AGBL4: variants seen among roughly 807,000 people sequenced by gnomAD.
AGBL4 encodes cytosolic carboxypeptidase 6.
A neutral mutation model predicts 66.4 loss-of-function variants in AGBL4; 58 were observed. That is an observed-to-expected ratio of 0.87 (90% CI 0.71 to 1.09). The LOEUF (loss-of-function observed/expected upper bound fraction) is 1.09. AGBL4 is among the 50% of genes least tolerant of loss of function. The probability of loss-of-function intolerance (pLI) is 0.00; values close to 1 mark genes in which losing one functional copy is unlikely to be tolerated. For missense variants in AGBL4, 579 were observed against 631.0 expected (o/e 0.92, Z 0.88); for synonymous variants, 234 against 222.9 (o/e 1.05, Z -0.44).
At chr1:49,028,449 T>A (rs188357505) in intron 5 of AGBL4, among the ~76,000 whole-genome samples, 3 of 152,050 alleles carry the variant, frequency 2.0e-5, no homozygotes, top group Admixed American at 1.3e-4. Context: ...TAATGAAAAA[T>A]AATTATACAT....
intron 3 of AGBL4, among the ~76,000 whole-genome samples, chr1:49,257,201 C>T (rs1462004150): frequency 6.6e-6 from 1 of 152,166 alleles, no homozygotes; most frequent in Non-Finnish European, 1.5e-5. Context: ...CTCTTCAAAG[C>T]TGTCAGACAG....
chr1:49,369,684 G>A (rs1644303433), intron 3 of AGBL4, among the ~76,000 whole-genome samples: 1 of 152,110 alleles, frequency 6.6e-6, no homozygotes. Flanking sequence ...ATACTGCTCA[G>A]TGTATGGGTA....
chr1:49,161,126 G>A (rs1383781817), intron 4 of AGBL4, among the ~76,000 whole-genome samples: 1 of 152,126 alleles, frequency 6.6e-6, no homozygotes, highest in Non-Finnish European at 1.5e-5. Context: ...TAGCTAGTTT[G>A]ATGTTTGCCT....
chr1:48,655,463 G>A (rs564293383), intron 7 of AGBL4, among the ~76,000 whole-genome samples: 2 of 152,314 alleles, frequency 1.3e-5, no homozygotes, highest in Admixed American at 1.3e-4. Context: ...GGAGCAGAAA[G>A]TCTCAGGACC....
chr1:49,805,878 G>A (rs1461788787), intron 2 of AGBL4, among the ~76,000 whole-genome samples: 1 of 152,146 alleles, frequency 6.6e-6, no homozygotes, highest in Non-Finnish European at 1.5e-5. Context: ...TCCTTGATCT[G>A]GGTCTCCCCA....
chr1:49,549,421 T>C (rs888491333), intron 3 of AGBL4, among the ~76,000 whole-genome samples: 2 of 152,294 alleles, frequency 1.3e-5, no homozygotes, highest in Non-Finnish European at 2.9e-5. Context: ...CGTTGAGGGC[T>C]GTGGACTTTT....
intron 3 of AGBL4, among the ~76,000 whole-genome samples, chr1:49,482,938 A>T (rs1381826894): frequency 6.6e-6 from 1 of 152,048 alleles, no homozygotes; most frequent in African/African-American, 2.4e-5. Flanking sequence ...GTTTTGAGTG[A>T]ATTTCTTAGT....
chr1:48,657,435 G>A (rs910030047), intron 7 of AGBL4, among the ~76,000 whole-genome samples: 4 of 152,216 alleles, frequency 2.6e-5, no homozygotes, highest in Non-Finnish European at 5.9e-5. Flanking sequence ...GCTTTGGAGA[G>A]CTCCATCCGG....
chr1:49,092,358 T>C (rs1645017897), intron 4 of AGBL4, among the ~76,000 whole-genome samples: 2 of 152,144 alleles, frequency 1.3e-5, no homozygotes, highest in South Asian at 2.1e-4. Flanking sequence ...CAGAAAATGT[T>C]TGCTGAGCTA....
intron 3 of AGBL4, among the ~76,000 whole-genome samples, chr1:49,663,614 T>C (rs1646309937): frequency 6.6e-6 from 1 of 152,118 alleles, no homozygotes. Flanking sequence ...TGAGTCACTT[T>C]GTAACAACAA....
intron 5 of AGBL4, among the ~76,000 whole-genome samples, chr1:48,927,124 A>C (rs1654645169): frequency 6.6e-6 from 1 of 152,194 alleles, no homozygotes; most frequent in Admixed American, 6.5e-5. Flanking sequence ...GCTTACAGAC[A>C]GCAGCCACAA....
intron 3 of AGBL4, among the ~76,000 whole-genome samples, chr1:49,648,175 A>G (rs1645929171): frequency 6.6e-6 from 1 of 152,168 alleles, no homozygotes; most frequent in Non-Finnish European, 1.5e-5. Flanking sequence ...TTAAGAAAGA[A>G]CAACAAAGAA....
intron 2 of AGBL4, among the ~76,000 whole-genome samples, chr1:49,785,945 T>C (rs762125358): frequency 2.7e-5 from 4 of 150,644 alleles, no homozygotes; most frequent in Non-Finnish European, 5.9e-5. Context: ...ACCTACGTTA[T>C]GGGAAAAGGT....
intron 6 of AGBL4, among the ~76,000 whole-genome samples, chr1:48,686,523 ATG>A (rs1279677183): frequency 6.6e-6 from 1 of 152,248 alleles, no homozygotes; most frequent in Admixed American, 6.5e-5. Context: ...TTCAATGAGA[ATG>A]TGTTGAACGA....
chr1:48,590,230 C>A (rs991443559), intron 10 of AGBL4, among the ~76,000 whole-genome samples: 4 of 151,974 alleles, frequency 2.6e-5, no homozygotes, highest in African/African-American at 9.7e-5. Context: ...CATGGAGAAA[C>A]CCCGTCTCTA....
intron 3 of AGBL4, among the ~76,000 whole-genome samples, chr1:49,520,577 A>G (rs1428141250): frequency 3.3e-5 from 5 of 151,940 alleles, no homozygotes; most frequent in African/African-American, 1.2e-4. Context: ...CCTACTTTGA[A>G]TATCTTGACT....
rs763751863 is a variant in AGBL4, at chr1:48,742,701, G to C, written c.635-79460C>G. ...AGGACGACGTATTTGCTTCCTCACTGAAAGTGCTCCGTAACTCCGGCTCGG... is the reference window on the plus strand; with the variant it reads ...AGGACGACGTATTTGCTTCCTCACTCAAAGTGCTCCGTAACTCCGGCTCGG... On this transcript the variant is annotated intron_variant, in intron 6 of 13. Coordinates refer to ENST00000371839, the MANE Select transcript of AGBL4 (RefSeq NM_032785.4). The C allele has an allele frequency of 1.9e-6, 3 of 1,611,316 alleles. No homozygotes were observed. In the African/African-American group the frequency reaches 4.0e-5, roughly 22 times the overall value.
chr1:49,431,846 T>C (rs1645794670), intron 3 of AGBL4, among the ~76,000 whole-genome samples: 1 of 152,116 alleles, frequency 6.6e-6, no homozygotes, highest in Non-Finnish European at 1.5e-5. Context: ...CTGGTAATAC[T>C]GTGGCAGGCC....
At chr1:49,702,596 A>C (rs1195628636) in intron 2 of AGBL4, among the ~76,000 whole-genome samples, 2 of 152,182 alleles carry the variant, frequency 1.3e-5, no homozygotes, top group African/African-American at 2.4e-5. Context: ...GATTACCTGG[A>C]TCCTAAAATC....
Sources: allele counts gnomAD v4.1 joint callset (sites outside exome capture counted in the v4.1 genomes callset), GRCh38; gene constraint gnomAD v4.1.1; transcripts MANE v1.5; gene names NCBI Gene and HGNC (gene_info 2026-07-23, HGNC 2026-07-21).